The following SMURF1 variants were observed in gnomAD, a reference collection of about 807,000 sequenced individuals.
The protein encoded by SMURF1 is SMAD specific E3 ubiquitin protein ligase 1, also known as E3 ubiquitin-protein ligase SMURF1.
A neutral mutation model predicts 98.0 loss-of-function variants in SMURF1; 44 were observed. That is an observed-to-expected ratio of 0.45 (90% CI 0.35 to 0.58). SMURF1 has a LOEUF of 0.58. Ranked by LOEUF, SMURF1 falls within the 20% of genes least tolerant of loss-of-function variation. The probability of loss-of-function intolerance (pLI) is 0.00; values close to 1 mark genes in which losing one functional copy is unlikely to be tolerated. For synonymous variants in SMURF1, 396 were observed against 374.9 expected (o/e 1.06, Z -0.65); for missense variants, 687 against 938.4 (o/e 0.73, Z 3.50).
chr7:99,053,474 C>G (rs1488661444), intron 6 of SMURF1, among the ~76,000 whole-genome samples: 1 of 152,100 alleles, frequency 6.6e-6, no homozygotes, highest in Non-Finnish European at 1.5e-5. Context: ...CAGATTTCTC[C>G]AATTGTCTCA....
At chr7:99,091,605 A>T (rs1115930) in intron 1 of SMURF1, among the ~76,000 whole-genome samples, 144,107 of 152,214 alleles carry the variant, frequency 0.95, 68,629 homozygotes, top group East Asian at 1. Flanking sequence ...CTCCCTCACA[A>T]ACAAAATGTT....
intron 1 of SMURF1, among the ~76,000 whole-genome samples, chr7:99,134,182 G>GT (rs200696951): frequency 0.01 from 1,398 of 135,104 alleles, 30 homozygotes; most frequent in African/African-American, 0.033. Flanking sequence ...GTTTTGTTTC[G>GT]TTTTTTTTTG....
At chr7:99,089,170 C>T (rs1796749454) in intron 1 of SMURF1, among the ~76,000 whole-genome samples, 1 of 150,848 alleles carries the variant, frequency 6.6e-6, no homozygotes, top group African/African-American at 2.4e-5. Context: ...TGCCACTGCA[C>T]TCCAGCCTGG....
At chr7:99,033,948 C>T (rs1365440823) in intron 16 of SMURF1, among the ~76,000 whole-genome samples, 1 of 152,258 alleles carries the variant, frequency 6.6e-6, no homozygotes, top group Admixed American at 6.5e-5. Flanking sequence ...CTGCCCCTTG[C>T]TCCTGTGTAT....
chr7:99,057,647 C>T, intron 3 of SMURF1, 96 bp from the exon 4 acceptor site: 2 of 1,370,618 alleles, frequency 1.5e-6, no homozygotes, highest in Non-Finnish European at 1.9e-6. Flanking sequence ...CTGTTGCCCC[C>T]AGGCTGGAGT....
At chr7:99,129,241 C>T (rs1797809223) in intron 1 of SMURF1, among the ~76,000 whole-genome samples, 1 of 152,182 alleles carries the variant, frequency 6.6e-6, no homozygotes, top group Admixed American at 6.5e-5. Context: ...AATGGTATGA[C>T]TTGCAAGCGG....
Position 99,040,403 on chromosome 7 carries a change from G to A in SMURF1, c.1525C>T (p.Leu509=). ...AGGATCCACACCAAGCTCTTATGCA[G>A]CTCTGGGTCCACAGATTCCAGATCT... The part of the protein sequence containing the change: ...LSDLESVDPE[L]HKSLVWILEN... Residue 509 remains leucine, a synonymous_variant, in exon 13 of 18, where the codon CTG becomes TTG. Coordinates refer to ENST00000361368, the MANE Select transcript of SMURF1 (RefSeq NM_181349.3). 6.4e-7 allele frequency: 1 copy of A among 1,566,374 alleles called. No homozygotes were observed. The highest frequency in any genetic ancestry group is 8.6e-7 in the Non-Finnish European group (1 of 1,156,922).
At position 99,057,610 on chromosome 7, in the gene SMURF1, T is replaced by G. The variant is rs868322326; in HGVS notation, c.204-59A>C. ...TGTTTGGTTTTTTTTGTTTTGTTTT[T>G]TTTTTTTTTTGAGATAGAATCCTGC... On this transcript the variant is annotated intron_variant, in intron 3 of 17. Transcript: ENST00000361368. 728 of 1,334,204 alleles carry G rather than the reference T, an allele frequency of 5.5e-4. 2 individuals are homozygous for G. Among genetic ancestry groups the G allele is most frequent in the South Asian group, 4.3e-3 (270 of 62,242 alleles). The allele number at this position is 1,334,204 out of a possible 1,614,324, so 82.6% of individuals were successfully genotyped here.
intron 1 of SMURF1, among the ~76,000 whole-genome samples, chr7:99,090,233 A>G (rs1796778864): frequency 6.6e-6 from 1 of 152,054 alleles, no homozygotes; most frequent in Non-Finnish European, 1.5e-5. Flanking sequence ...TGGGTGCAAA[A>G]CTCTAAGGTG....
intron 1 of SMURF1, among the ~76,000 whole-genome samples, chr7:99,140,754 A>G (rs541222748): frequency 6.6e-6 from 1 of 151,456 alleles, no homozygotes; most frequent in Non-Finnish European, 1.5e-5. Context: ...CTCTGTGTCT[A>G]TTCATTGACT....
intron 1 of SMURF1, among the ~76,000 whole-genome samples, chr7:99,123,672 G>A (rs925835833): frequency 2.0e-5 from 3 of 152,080 alleles, no homozygotes; most frequent in Admixed American, 2.0e-4. Context: ...TCCCCTCCAT[G>A]CCACAGCCCT....
At chr7:99,032,156 A>G (rs909306792) in intron 17 of SMURF1, among the ~76,000 whole-genome samples, 1 of 152,228 alleles carries the variant, frequency 6.6e-6, no homozygotes, top group African/African-American at 2.4e-5. Context: ...CCTGGCAGAG[A>G]GGAAGACTTG....
chr7:99,113,708 C>T (rs1055478546), intron 1 of SMURF1, among the ~76,000 whole-genome samples: 3 of 151,468 alleles, frequency 2.0e-5, no homozygotes, highest in Admixed American at 6.6e-5. Context: ...GGTGTGGTGG[C>T]GGGGCCTGTG....
At chr7:99,120,300 A>T (rs2140995) in intron 1 of SMURF1, among the ~76,000 whole-genome samples, 97,276 of 152,054 alleles carry the variant, frequency 0.64, 34,312 homozygotes, top group Non-Finnish European at 0.78. Context: ...GTATTTCTTT[A>T]TAGTAATGCA....
intron 1 of SMURF1, among the ~76,000 whole-genome samples, chr7:99,076,768 C>T (rs565755174): frequency 1.3e-5 from 2 of 152,204 alleles, no homozygotes; most frequent in East Asian, 3.9e-4. Context: ...GGAATCTGGA[C>T]GTGTGTATGC....
intron 1 of SMURF1, among the ~76,000 whole-genome samples, chr7:99,073,282 G>C: frequency 6.6e-6 from 1 of 151,708 alleles, no homozygotes; most frequent in Non-Finnish European, 1.5e-5. Flanking sequence ...GGGAGACTGA[G>C]GCAGGAGAAT....
Position 99,047,994 on chromosome 7 carries a change from GA to G in SMURF1, c.954-113del, listed in dbSNP as rs1181252211. Reference sequence around the variant, plus strand: ...AGAGCTAGCTGCACACAACTTCAGGGAGAATTTGTTTCCCTGATGACGTAAC... The same window carrying G: ...AGAGCTAGCTGCACACAACTTCAGGGGAATTTGTTTCCCTGATGACGTAAC... On this transcript the variant is annotated intron_variant, in intron 9 of 17. Transcript: ENST00000361368. 41 of 1,008,956 alleles carry G rather than the reference GA, an allele frequency of 4.1e-5. No homozygotes were observed. In the Admixed American group the frequency reaches 4.9e-4, roughly 12 times the overall value. The allele number at this position is 1,008,956 out of a possible 1,614,324, so 62.5% of individuals were successfully genotyped here.
At chr7:99,041,956 C>T (rs192433655) in intron 12 of SMURF1, among the ~76,000 whole-genome samples, 162 bp downstream of exon 12, 2 of 152,326 alleles carry the variant, frequency 1.3e-5, no homozygotes, top group African/African-American at 2.4e-5. Flanking sequence ...GGATTGGAAT[C>T]ATCCATCTTA....
intron 1 of SMURF1, among the ~76,000 whole-genome samples, chr7:99,078,174 T>G (rs1368261548): frequency 6.6e-6 from 1 of 151,218 alleles, no homozygotes; most frequent in Non-Finnish European, 1.5e-5. Context: ...TGGTAGTGGG[T>G]GCCTGTAATC....
Sources: gnomAD v4.1 joint callset for allele counts (sites outside exome capture counted in the v4.1 genomes callset) on GRCh38, gnomAD v4.1.1 for gene constraint, MANE v1.5 for transcripts, NCBI Gene and HGNC (gene_info 2026-07-23, HGNC 2026-07-21) for gene names.